Variants in RASA3 observed in about 807,000 individuals in gnomAD.
The protein encoded by RASA3 is ras GTPase-activating protein 3.
In RASA3, 73 loss-of-function variants were observed where a neutral mutation model predicts 110.0. The ratio of observed to expected loss-of-function variants is 0.66; its 90% confidence interval spans 0.55 to 0.81. The LOEUF is 0.81. RASA3 is among the 30% of genes least tolerant of loss of function. The pLI, the probability that RASA3 is intolerant of heterozygous loss-of-function variation, is 0.00. For missense variants in RASA3, 976 were observed against 1,113.2 expected (o/e 0.88, Z 1.75); for synonymous variants, 500 against 451.4 (o/e 1.11, Z -1.37).
At chr13:113,998,156 G>A (rs1343285770) in intron 20 of RASA3, among the ~76,000 whole-genome samples, 1 of 152,160 alleles carries the variant, frequency 6.6e-6, no homozygotes, top group Non-Finnish European at 1.5e-5. Flanking sequence ...GGTGCTTCCA[G>A]GACATGTCCA....
At chr13:114,040,865 G>T in intron 4 of RASA3, 135 bp downstream of exon 4, 3 of 816,766 alleles carry the variant, frequency 3.7e-6, no homozygotes, top group Non-Finnish European at 5.9e-6. Context: ...GGGCGAACAC[G>T]CAATCTGCTC....
intron 1 of RASA3, among the ~76,000 whole-genome samples, chr13:114,105,242 C>T (rs2080118182): frequency 6.6e-6 from 1 of 152,080 alleles, no homozygotes; most frequent in African/African-American, 2.4e-5. Flanking sequence ...CCCCACCCTG[C>T]CCTTGGGCTC....
At chr13:114,013,315 C>T (rs1197984302) in intron 14 of RASA3, 67 bp from the exon 15 acceptor site, 3 of 1,246,192 alleles carry the variant, frequency 2.4e-6, no homozygotes, top group Non-Finnish European at 3.4e-6. Context: ...ACACCATGCC[C>T]CGGCCCCCTG....
At chr13:114,043,039 C>T (rs1035419685) in intron 3 of RASA3, among the ~76,000 whole-genome samples, 2 of 152,210 alleles carry the variant, frequency 1.3e-5, no homozygotes, top group Non-Finnish European at 2.9e-5. Context: ...CTCGCGGGCT[C>T]ATGCGAGCGA....
intron 4 of RASA3, chr13:114,036,304 A>G (rs1353301962): frequency 1.3e-5 from 2 of 152,278 alleles, no homozygotes; most frequent in African/African-American, 4.8e-5. Flanking sequence ...TTCCAGAAGG[A>G]AGCAAGAAAG....
At chr13:113,988,915 C>T (rs558619565) in intron 22 of RASA3, among the ~76,000 whole-genome samples, 20 of 151,666 alleles carry the variant, frequency 1.3e-4, no homozygotes, top group Admixed American at 3.9e-4. Context: ...ACCCATCACT[C>T]GCCCATCTGT....
Position 114,031,866 on chromosome 13 carries a change from G to A in RASA3, c.373-1979C>T, listed in dbSNP as rs139727499. 2.6e-5 allele frequency among the ~76,000 whole-genome samples: 4 copies of A among 152,282 alleles called. No homozygotes were observed. In the East Asian group the frequency reaches 7.7e-4, roughly 29 times the overall value. On this transcript the variant is annotated intron_variant, in intron 4 of 23. Transcript: ENST00000334062. ...GGGACAGACGGGCAGAATGCCTGGC[G>A]CTAAGACGTGGACGGCAGAACCGAC...
rs2054094059 is a variant in RASA3 at position 114,029,101 on chromosome 13, C to T, written c.449+710G>A. On this transcript the variant is annotated intron_variant, in intron 5 of 23. Transcript: ENST00000334062. ...ACGGCATCATCCTGGGGGCCAGGAC[C>T]TCTAAAACGGCATCATCCTGGGGCC... Among the ~76,000 whole-genome samples the T allele has an allele frequency of 8.6e-5, 2 of 23,346 alleles. 1 individual carries two copies. The highest frequency in any genetic ancestry group is 1.4e-4 in the Non-Finnish European group (2 of 14,274). The allele number at this position is 23,346 out of a possible 152,430, so 15.3% of individuals were successfully genotyped here.
At chr13:113,997,893 G>C (rs1183262427) in intron 20 of RASA3, among the ~76,000 whole-genome samples, 1 of 152,184 alleles carries the variant, frequency 6.6e-6, no homozygotes, top group Admixed American at 6.5e-5. Context: ...CTTGCACCCG[G>C]CACATGTGTA....
At chr13:114,034,808 A>T (rs72488206) in intron 4 of RASA3, among the ~76,000 whole-genome samples, 1 of 152,266 alleles carries the variant, frequency 6.6e-6, no homozygotes, top group African/African-American at 2.4e-5. Context: ...CATCAAAATC[A>T]GTGGGATGAA....
At chr13:114,001,839 G>A (rs1472684130) in intron 18 of RASA3, among the ~76,000 whole-genome samples, 2 of 152,278 alleles carry the variant, frequency 1.3e-5, no homozygotes, top group African/African-American at 4.8e-5. Context: ...CGGGAGTCAC[G>A]CACCAGCGCC....
intron 16 of RASA3, among the ~76,000 whole-genome samples, chr13:114,010,649 C>T (rs1259672565): frequency 7.0e-4 from 39 of 55,798 alleles, no homozygotes; most frequent in African/African-American, 2.5e-3. Flanking sequence ...GGAAGCGCCA[C>T]GTGGGGAGGA....
At chr13:114,082,608 C>T (rs1045908977) in intron 1 of RASA3, among the ~76,000 whole-genome samples, 2 of 152,174 alleles carry the variant, frequency 1.3e-5, no homozygotes, top group Admixed American at 6.5e-5. Flanking sequence ...CCATGAAGAA[C>T]GTCTCCCAGC....
Position 114,111,907 on chromosome 13 carries a change from G to A in RASA3, c.55+20528C>T, listed in dbSNP as rs549937230. 1.4e-4 allele frequency among the ~76,000 whole-genome samples: 22 copies of A among 152,312 alleles called. No homozygotes were observed. In the East Asian group the frequency reaches 4.0e-3, roughly 28 times the overall value. ...ATCCTGTGTCTTGGTTGGGGTTGGG[G>A]CCCATCAACTTAAAATAGCTTCTGT... On this transcript the variant is annotated intron_variant, in intron 1 of 23. Coordinates refer to ENST00000334062, the MANE Select transcript of RASA3 (RefSeq NM_007368.4).
chr13:114,108,899 A>G (rs1051303316), intron 1 of RASA3: 1 of 152,272 alleles, frequency 6.6e-6, no homozygotes, highest in Admixed American at 6.5e-5. Flanking sequence ...CAACACAGGC[A>G]TCCTGCAGTT....
intron 1 of RASA3, among the ~76,000 whole-genome samples, chr13:114,097,152 A>G (rs1407018587): frequency 6.6e-6 from 1 of 152,236 alleles, no homozygotes; most frequent in Non-Finnish European, 1.5e-5. Context: ...TTCTCCGCAG[A>G]TATGGGCTGA....
chr13:113,982,088 C>T (rs2052950159), intron 22 of RASA3, among the ~76,000 whole-genome samples: 1 of 152,234 alleles, frequency 6.6e-6, no homozygotes, highest in Admixed American at 6.5e-5. Context: ...GAGCTGGATG[C>T]TGAGCAACCT....
chr13:114,128,566 G>T (rs1432753586), intron 1 of RASA3, among the ~76,000 whole-genome samples: 1 of 152,334 alleles, frequency 6.6e-6, no homozygotes, highest in Admixed American at 6.5e-5. Context: ...CCTGCTTCAG[G>T]TGGGATTCTG....
chr13:114,108,144 A>G (rs1352321758), intron 1 of RASA3, among the ~76,000 whole-genome samples: 1 of 151,908 alleles, frequency 6.6e-6, no homozygotes, highest in Non-Finnish European at 1.5e-5. Flanking sequence ...GAGAAGTCCT[A>G]TCATCCCACA....
Sources: gnomAD v4.1 joint callset for allele counts (sites outside exome capture counted in the v4.1 genomes callset) on GRCh38, gnomAD v4.1.1 for gene constraint, MANE v1.5 for transcripts, NCBI Gene and HGNC (gene_info 2026-07-23, HGNC 2026-07-21) for gene names.